IFT27: variants seen among roughly 807,000 people sequenced by gnomAD.
IFT27 encodes intraflagellar transport 27, also known as intraflagellar transport protein 27 homolog.
IFT27 carries 19 observed loss-of-function variants against 23.9 expected under a neutral mutation model. The ratio of observed to expected loss-of-function variants is 0.79; its 90% CI spans 0.55 to 1.16. The LOEUF is 1.16. Among genes scored for constraint, IFT27 ranks in the 50% most tolerant of loss-of-function variants. The probability of loss-of-function intolerance (pLI) is 0.00; values close to 1 mark genes in which losing one functional copy is unlikely to be tolerated. For missense variants in IFT27, 206 were observed against 228.7 expected, an observed-to-expected ratio of 0.90 and a Z score of 0.64; for synonymous variants, 91 against 89.1, an observed-to-expected ratio of 1.02 and a Z score of -0.12.
In IFT27 at chr22:36,763,920, T is replaced by G. The variant is rs749843478; in HGVS notation, c.351A>C (p.Pro117=). 1.9e-6 allele frequency: 3 copies of G among 1,607,028 alleles called. No individual in the cohort carries two copies. The South Asian group carries it at 3.3e-5, about 18-fold the overall frequency. Residue 117 remains proline, a splice_region_variant and synonymous_variant, in exon 5 of 7, where the codon CCA becomes CCC. Coordinates refer to ENST00000433985, the MANE Select transcript of IFT27 (RefSeq NM_001177701.3). ...ARSQAPGISL[P]GVLVGNKTDL... ...AACATGGGTGTCTGCAGCCCGTACCTGGGAGAGAGATGCCTGGAGCCTGTG... is the reference window on the plus strand; with the variant it reads ...AACATGGGTGTCTGCAGCCCGTACCGGGGAGAGAGATGCCTGGAGCCTGTG...
intron 3 of IFT27, 120 bp downstream of exon 3, chr22:36,767,186 T>C: frequency 1.4e-6 from 1 of 726,672 alleles, no homozygotes; most frequent in East Asian, 2.8e-5. Context: ...TCCGAAATGC[T>C]CAGCCAAGTC....
At chr22:36,772,400 A>T (rs4821522) in intron 1 of IFT27, 1 of 637,204 alleles carries the variant, frequency 1.6e-6, no homozygotes, top group Non-Finnish European at 2.0e-6. Flanking sequence ...CACCTACCCC[A>T]CAGAATTGTT....
chr22:36,769,107 C>T (rs1320483190), intron 1 of IFT27, among the ~76,000 whole-genome samples: 1 of 152,174 alleles, frequency 6.6e-6, no homozygotes, highest in Non-Finnish European at 1.5e-5. Flanking sequence ...TGAACTCCTC[C>T]AGGTTTGAGT....
At chr22:36,766,251 G>C (rs1938247087) in intron 3 of IFT27, 54 bp from the exon 4 acceptor site, 1 of 1,462,674 alleles carries the variant, frequency 6.8e-7, no homozygotes, top group African/African-American at 1.4e-5. Context: ...CAAGCTACGA[G>C]TCACTGGTAT....
chr22:36,758,809 G>A (rs1303563674), intron 6 of IFT27: 2 of 193,162 alleles, frequency 1.0e-5, no homozygotes, highest in Admixed American at 1.1e-4. Context: ...TCCCGAAGAA[G>A]AGCTAGACAG....
intron 1 of IFT27, among the ~76,000 whole-genome samples, chr22:36,774,999 T>C (rs1411531226): frequency 6.6e-6 from 1 of 152,236 alleles, no homozygotes; most frequent in Non-Finnish European, 1.5e-5. Context: ...ACACTACAAA[T>C]GTGCATGCCA....
rs139667873 is a variant in IFT27 at position 36,775,030 on chromosome 22, T to C, written c.34+644A>G. On this transcript the variant is annotated intron_variant, in intron 1 of 6. Coordinates refer to ENST00000433985, the MANE Select transcript of IFT27 (RefSeq NM_001177701.3). Reference sequence around the variant, plus strand: ...TGCCACATATTCACATATTCATCCATTCTAAAAGTATTTATTGAGTACCTA... The same window carrying C: ...TGCCACATATTCACATATTCATCCACTCTAAAAGTATTTATTGAGTACCTA... Among the ~76,000 whole-genome samples, 483 of 152,368 alleles carry C rather than the reference T, an allele frequency of 3.2e-3. 4 individuals are homozygous for C. The highest frequency in any genetic ancestry group is 0.01 in the African/African-American group (433 of 41,594).
rs369610277 is a variant in IFT27 at position 36,775,749 on chromosome 22, C to A, written c.-42G>T. 11 of 1,612,398 alleles carry A rather than the reference C, an allele frequency of 6.8e-6. No individual in the cohort carries two copies. The highest frequency in any genetic ancestry group is 4.0e-5 in the African/African-American group (3 of 74,904). ...GCGAGCCGTACCCAGAGGACAAGAGCGGCTGCTAGAGACGCGAGTGGGTGG... is the reference window on the plus strand; with the variant it reads ...GCGAGCCGTACCCAGAGGACAAGAGAGGCTGCTAGAGACGCGAGTGGGTGG... On this transcript the variant is annotated 5_prime_UTR_variant, in exon 1 of 7. Transcript: ENST00000433985.
At chr22:36,763,148 C>T (rs1047657997) in intron 5 of IFT27, 135 bp from the exon 6 acceptor site, 25 of 546,300 alleles carry the variant, frequency 4.6e-5, no homozygotes, top group Non-Finnish European at 7.5e-5. Context: ...GGTGAGCCCC[C>T]CCACAGGGAA....
At position 36,768,145 on chromosome 22, in the gene IFT27, GA is replaced by G. The variant is rs1258035024; in HGVS notation, c.35-284del. The G allele has an allele frequency of 1.8e-5, 10 of 556,004 alleles. No individual in the cohort carries two copies. In the Admixed American group the frequency reaches 2.0e-4, roughly 11 times the overall value. The allele number at this position is 556,004 out of a possible 1,614,324, so 34.4% of individuals were successfully genotyped here. On this transcript the variant is annotated intron_variant, in intron 1 of 6. Transcript: ENST00000433985. ...ACTTACAGAGGGCTTTGGGGCCCTG[GA>G]AACGGAACTGACGCTCTTCCACTGA...
chr22:36,772,810 A>G, intron 1 of IFT27: 1 of 980,452 alleles, frequency 1.0e-6, no homozygotes, highest in Non-Finnish European at 1.2e-6. Flanking sequence ...CAGTTTAAAC[A>G]GTAGGGCTGT....
chr22:36,763,398 G>C (rs367944999), intron 5 of IFT27: 2 of 251,730 alleles, frequency 7.9e-6, no homozygotes, highest in South Asian at 1.2e-4. Context: ...GACTCGGCTC[G>C]GAGTCAGGGA....
chr22:36,767,417 A>G (rs765407011), intron 2 of IFT27, 52 bp from the exon 3 acceptor site: 3 of 1,529,634 alleles, frequency 2.0e-6, no homozygotes, highest in Admixed American at 3.4e-5. Context: ...AAGGGAGAGC[A>G]TGTTACAGGA....
chr22:36,770,512 G>A (rs946601158), intron 1 of IFT27, among the ~76,000 whole-genome samples: 4 of 152,124 alleles, frequency 2.6e-5, no homozygotes, highest in East Asian at 1.9e-4. Flanking sequence ...CCAAAAACCC[G>A]TGTGCGTTGC....
chr22:36,775,810 G>A lies in IFT27; in HGVS notation c.-103C>T. On this transcript the variant is annotated 5_prime_UTR_variant, in exon 1 of 7. Transcript: ENST00000433985. The stretch of plus-strand genomic sequence containing the variant: ...CTGGGCTGGCCTGGGACGGGAAGGT[G>A]GGGAGGGGAGGGCTGATCTCAAGGG... The A allele has an allele frequency of 8.7e-7, 1 of 1,143,174 alleles. No homozygotes were observed. Among genetic ancestry groups the A allele is most frequent in the African/African-American group, 1.5e-5 (1 of 65,526 alleles). 70.8% of individuals were successfully genotyped at this position (1,143,174 alleles called of 1,614,324 possible).
intron 6 of IFT27, chr22:36,761,394 G>A (rs1397798135): frequency 6.6e-6 from 1 of 152,176 alleles, no homozygotes; most frequent in Non-Finnish European, 1.5e-5. Flanking sequence ...CTCTATACAG[G>A]AAAAGCTGAT....
intron 4 of IFT27, among the ~76,000 whole-genome samples, chr22:36,764,321 C>T (rs1938185295): frequency 6.6e-6 from 1 of 152,378 alleles, no homozygotes; most frequent in South Asian, 2.1e-4. Context: ...CCTCCCAACT[C>T]GGTAGAGTGT....
intron 1 of IFT27, among the ~76,000 whole-genome samples, chr22:36,769,187 C>G (rs368439426): frequency 3.9e-5 from 6 of 152,296 alleles, no homozygotes; most frequent in African/African-American, 4.8e-5. Context: ...GCTGAGCCCC[C>G]CTCATGGACC....
At chr22:36,765,429 G>A (rs1054022509) in intron 4 of IFT27, among the ~76,000 whole-genome samples, 3 of 152,138 alleles carry the variant, frequency 2.0e-5, no homozygotes, top group Admixed American at 1.3e-4. Context: ...GGTGAACGTC[G>A]TGAACCGATG....
Sources: gnomAD v4.1 joint callset for allele counts (sites outside exome capture counted in the v4.1 genomes callset) on GRCh38, gnomAD v4.1.1 for gene constraint, MANE v1.5 for transcripts, NCBI Gene and HGNC (gene_info 2026-07-23, HGNC 2026-07-21) for gene names.